Variants in CCDC60 observed in about 807,000 individuals in gnomAD.
The protein encoded by CCDC60 is coiled-coil domain containing 60, also known as coiled-coil domain-containing protein 60.
CCDC60 carries 54 observed loss-of-function variants against 63.5 expected under a neutral mutation model. The observed-to-expected ratio is 0.85, with a 90% CI of 0.68 to 1.07. The LOEUF (loss-of-function observed/expected upper bound fraction) is 1.07. Among genes scored for constraint, CCDC60 ranks in the 50% least tolerant of loss-of-function variants. CCDC60 has a pLI of 0.00. For synonymous variants in CCDC60, 206 were observed against 238.8 expected (o/e 0.86, Z 1.27); for missense variants, 651 against 684.3 (o/e 0.95, Z 0.54).
rs112386960 is a variant in CCDC60 at position 119,384,205 on chromosome 12, AAGAG to A, written c.91-44466_91-44463del. Among the ~76,000 whole-genome samples, 344 of 151,918 alleles carry A rather than the reference AAGAG, an allele frequency of 2.3e-3. 2 individuals carry two copies. Among genetic ancestry groups the A allele is most frequent in the African/African-American group, 4.8e-3 (201 of 41,452 alleles). On this transcript the variant is annotated intron_variant, in intron 1 of 13. Coordinates refer to ENST00000327554, the MANE Select transcript of CCDC60 (RefSeq NM_178499.5). ...AGCAAGACTCCATCTCAAAAAAAAA[AAGAG>A]AGAGAGAGAGACAGAGCTAAGATAT...
At chr12:119,345,819 T>C (rs11612834) in intron 1 of CCDC60, among the ~76,000 whole-genome samples, 2 of 152,050 alleles carry the variant, frequency 1.3e-5, no homozygotes, top group African/African-American at 4.8e-5. Flanking sequence ...TTTTTTGTTT[T>C]TTTTTGTTTG....
At chr12:119,465,038 G>A (rs539691307) in intron 2 of CCDC60, among the ~76,000 whole-genome samples, 5 of 152,218 alleles carry the variant, frequency 3.3e-5, no homozygotes, top group African/African-American at 9.6e-5. Context: ...TGGGCCAGGC[G>A]CGGTGGCTCA....
At chr12:119,498,331 CT>C (rs368939664) in intron 5 of CCDC60, among the ~76,000 whole-genome samples, 1,682 of 149,734 alleles carry the variant, frequency 0.011, 17 homozygotes, top group Admixed American at 0.023. Context: ...TGTTCATCCT[CT>C]TTTTTTTTTC....
At chr12:119,372,644 C>A (rs1361294325) in intron 1 of CCDC60, among the ~76,000 whole-genome samples, 1 of 152,146 alleles carries the variant, frequency 6.6e-6, no homozygotes, top group Non-Finnish European at 1.5e-5. Flanking sequence ...ACCTACGAAT[C>A]CCCACTCAGA....
At chr12:119,377,264 AAAAAAAAAAAAAAAAG>A (rs1038945084) in intron 1 of CCDC60, among the ~76,000 whole-genome samples, 4 of 149,952 alleles carry the variant, frequency 2.7e-5, no homozygotes, top group East Asian at 1.9e-4. Flanking sequence ...CAAAAAAAAA[AAAAAAAAAAAAAAAAG>A]AAAAAGAAAG....
At chr12:119,472,576 C>CTTT (rs11303138) in intron 3 of CCDC60, among the ~76,000 whole-genome samples, 16 of 97,642 alleles carry the variant, frequency 1.6e-4, no homozygotes, top group South Asian at 4.4e-4. Context: ...AAAATGCCTC[C>CTTT]TTTTTTTTTT....
At chr12:119,520,055 A>G in intron 8 of CCDC60, 66 bp from the exon 9 acceptor site, 1 of 1,352,034 alleles carries the variant, frequency 7.4e-7, no homozygotes, top group Non-Finnish European at 1.1e-6. Flanking sequence ...CTCCTCCCAC[A>G]TGTAGTTACT....
At chr12:119,369,043 A>G (rs557789848) in intron 1 of CCDC60, among the ~76,000 whole-genome samples, 3 of 152,322 alleles carry the variant, frequency 2.0e-5, no homozygotes, top group East Asian at 3.9e-4. Flanking sequence ...AAGAGTCTCA[A>G]TATCCAACCA....
At chr12:119,519,449 GTGTA>G (rs1952449470) in intron 8 of CCDC60, among the ~76,000 whole-genome samples, 2 of 132,730 alleles carry the variant, frequency 1.5e-5, no homozygotes, top group African/African-American at 3.1e-5. Context: ...GTGTGTGTGT[GTGTA>G]TATATATATA....
intron 1 of CCDC60, among the ~76,000 whole-genome samples, chr12:119,411,834 C>T (rs1398053727): frequency 6.6e-6 from 1 of 152,050 alleles, no homozygotes; most frequent in Non-Finnish European, 1.5e-5. Flanking sequence ...AGCCCCGATA[C>T]ACCCTTTCCC....
intron 1 of CCDC60, among the ~76,000 whole-genome samples, chr12:119,361,122 C>A (rs1244189444): frequency 7.3e-6 from 1 of 137,258 alleles, no homozygotes; most frequent in South Asian, 2.4e-4. Flanking sequence ...AGAGGGAGAC[C>A]GTGGAAAGAG....
chr12:119,475,086 A>C (rs116190573), intron 3 of CCDC60, among the ~76,000 whole-genome samples: 10 of 152,148 alleles, frequency 6.6e-5, no homozygotes, highest in Non-Finnish European at 8.8e-5. Flanking sequence ...TTGACTCCTC[A>C]TTGGTGTAGA....
At chr12:119,443,687 AC>A (rs2136266515) in intron 2 of CCDC60, among the ~76,000 whole-genome samples, 1 of 152,358 alleles carries the variant, frequency 6.6e-6, no homozygotes. Flanking sequence ...GTGTATGAAA[AC>A]AAAAACTGTC....
At chr12:119,459,291 TG>T (rs1192559291) in intron 2 of CCDC60, among the ~76,000 whole-genome samples, 1 of 152,222 alleles carries the variant, frequency 6.6e-6, no homozygotes, top group Non-Finnish European at 1.5e-5. Context: ...TCAAGAGGTC[TG>T]GGGTGGGGCC....
chr12:119,484,661 C>T (rs141035742), intron 4 of CCDC60, among the ~76,000 whole-genome samples: 1 of 151,988 alleles, frequency 6.6e-6, no homozygotes, highest in Non-Finnish European at 1.5e-5. Context: ...TGCAGTGTGC[C>T]AAAATCACGC....
chr12:119,368,303 G>A (rs1037823181), intron 1 of CCDC60, among the ~76,000 whole-genome samples: 24 of 152,128 alleles, frequency 1.6e-4, no homozygotes, highest in African/African-American at 5.8e-4. Flanking sequence ...AAGCCATAGA[G>A]CTGCCATTTT....
At chr12:119,398,310 C>T (rs1484295135) in intron 1 of CCDC60, among the ~76,000 whole-genome samples, 1 of 152,058 alleles carries the variant, frequency 6.6e-6, no homozygotes, top group Non-Finnish European at 1.5e-5. Flanking sequence ...TGCCAGGCAC[C>T]GGCACCGGCC....
intron 1 of CCDC60, among the ~76,000 whole-genome samples, chr12:119,426,776 G>T (rs1956909986): frequency 6.6e-6 from 1 of 152,152 alleles, no homozygotes; most frequent in African/African-American, 2.4e-5. Context: ...GCCAACCCAG[G>T]AGAAAAATGG....
Position 119,522,944 on chromosome 12 carries a change from G to A in CCDC60, c.1046G>A (p.Arg349Lys). The change falls in exon 10 of 14, where the codon AGA becomes AAA. Residue 349 changes from arginine (R) to lysine (K), a missense_variant. Physicochemically the swap from Arg to Lys is conservative, Grantham distance 26. Coordinates refer to ENST00000327554, the MANE Select transcript of CCDC60 (RefSeq NM_178499.5). ...EMQTTLKSSE[R>K]SSSTSAESHI... ...ACCATCCTTTTGTGTTTCAGTGAGAGATCCAGCAGTACAAGTGCAGAAAGC... is the reference window on the plus strand; with the variant it reads ...ACCATCCTTTTGTGTTTCAGTGAGAAATCCAGCAGTACAAGTGCAGAAAGC... 1 of 1,614,094 alleles carries A rather than the reference G, an allele frequency of 6.2e-7. No individual in the cohort carries two copies. The highest frequency in any genetic ancestry group is 8.5e-7 in the Non-Finnish European group (1 of 1,179,940).
Sources: gnomAD v4.1 joint callset for allele counts (sites outside exome capture counted in the v4.1 genomes callset) on GRCh38, gnomAD v4.1.1 for gene constraint, MANE v1.5 for transcripts, NCBI Gene and HGNC (gene_info 2026-07-23, HGNC 2026-07-21) for gene names.